Variants in TACC2 observed in about 807,000 individuals in gnomAD.
TACC2 encodes the protein transforming acidic coiled-coil containing protein 2.
A neutral mutation model predicts 227.3 loss-of-function variants in TACC2; 137 were observed. That is an observed-to-expected ratio of 0.60 (90% CI 0.52 to 0.69). The LOEUF (loss-of-function observed/expected upper bound fraction) is 0.69, where lower values mean the gene tolerates loss of function less well. Ranked by LOEUF, TACC2 falls within the 30% of genes least tolerant of loss-of-function variation. TACC2 has a pLI of 0.00. For synonymous variants in TACC2, 1,523 were observed against 1,487.5 expected (o/e 1.02, Z -0.55); for missense variants, 3,470 against 3,694.4 (o/e 0.94, Z 1.57).
intron 8 of TACC2, among the ~76,000 whole-genome samples, chr10:122,203,723 A>T (rs942945346): frequency 7.3e-5 from 10 of 136,498 alleles, no homozygotes; most frequent in African/African-American, 2.8e-4. Flanking sequence ...ATGGGCGGCC[A>T]GGCAGAGACG....
At position 122,085,352 on chromosome 10, in the gene TACC2, G is replaced by T. The variant is rs747977383; in HGVS notation, c.2852G>T (p.Gly951Val). Reference sequence around the variant, plus strand: ...GCACTAGGGGAGAAGCGGCCAGAGGGAGCATGCGGTGATGGTCAGTCCTCG... The same window carrying T: ...GCACTAGGGGAGAAGCGGCCAGAGGTAGCATGCGGTGATGGTCAGTCCTCG... ...LPALGEKRPE[G>V]ACGDGQSSRV... The change falls in exon 4 of 23, where the codon GGA becomes GTA. Residue 951 changes from glycine (G) to valine (V), a missense_variant. Transcript: ENST00000369005. 1 of 1,614,036 alleles carries T rather than the reference G, an allele frequency of 6.2e-7. No homozygotes were observed. Among genetic ancestry groups the T allele is most frequent in the South Asian group, 1.1e-5 (1 of 91,080 alleles).
chr10:122,091,255 A>G (rs1046811207), intron 5 of TACC2, among the ~76,000 whole-genome samples: 3 of 84,074 alleles, frequency 3.6e-5, no homozygotes, highest in Non-Finnish European at 7.3e-5. Context: ...ATTTAGTATG[A>G]AAAAAAAAGA....
At chr10:122,140,444 A>G (rs963639029) in intron 6 of TACC2, among the ~76,000 whole-genome samples, 10 of 152,376 alleles carry the variant, frequency 6.6e-5, no homozygotes, top group Non-Finnish European at 1.3e-4. Flanking sequence ...TCGTTATTCC[A>G]ATAAGGTTTG....
intron 5 of TACC2, among the ~76,000 whole-genome samples, chr10:122,097,331 G>A (rs979058119): frequency 1.3e-5 from 2 of 152,060 alleles, no homozygotes; most frequent in African/African-American, 4.8e-5. Context: ...GTGAGGTACT[G>A]TCTCAAAGAA....
chr10:122,054,653 CT>C (rs1020689883), intron 3 of TACC2, among the ~76,000 whole-genome samples: 1 of 152,186 alleles, frequency 6.6e-6, no homozygotes, highest in African/African-American at 2.4e-5. Flanking sequence ...GCTCCTTCTT[CT>C]GAAAAAGGTC....
chr10:122,163,542 G>A (rs907091839), intron 7 of TACC2: 15 of 988,924 alleles, frequency 1.5e-5, no homozygotes, highest in Non-Finnish European at 1.6e-5. Context: ...AGGCGTTGGG[G>A]CTGCTCGGCG....
chr10:122,226,380 C>T lies in TACC2; in HGVS notation c.7623C>T (p.Ala2541=). 1 of 1,613,824 alleles carries T rather than the reference C, an allele frequency of 6.2e-7. No homozygotes were observed. Among genetic ancestry groups the T allele is most frequent in the Non-Finnish European group, 8.5e-7 (1 of 1,179,860 alleles). ...GATCCCTGCAGCAGGACGACGATGC[C>T]CCGAAGAAGCAGGCCTTGTACCTTA... ...IGSSLPQDDD[A]PKKQALYLMF... Residue 2541 remains alanine, a synonymous_variant, in exon 13 of 23, where the codon GCC becomes GCT. Coordinates refer to ENST00000369005, the MANE Select transcript of TACC2 (RefSeq NM_206862.4).
intron 7 of TACC2, among the ~76,000 whole-genome samples, chr10:122,171,688 A>G (rs1257051512): frequency 6.6e-6 from 1 of 152,240 alleles, no homozygotes; most frequent in South Asian, 2.1e-4. Flanking sequence ...TCAATGTGCT[A>G]AAAGAAAATG....
chr10:122,041,534 C>A (rs932638680), intron 2 of TACC2, among the ~76,000 whole-genome samples: 1 of 151,560 alleles, frequency 6.6e-6, no homozygotes, highest in Non-Finnish European at 1.5e-5. Flanking sequence ...ACAATCTCCG[C>A]CTCCTGGGTT....
Position 122,143,830 on chromosome 10 carries a change from C to T in TACC2, c.5834+124C>T, listed in dbSNP as rs150476340. 5.0e-4 allele frequency: 550 copies of T among 1,094,662 alleles called. 1 individual carries two copies. Among genetic ancestry groups the T allele is most frequent in the Non-Finnish European group, 4.5e-4 (351 of 774,838 alleles). 67.8% of individuals were successfully genotyped at this position (1,094,662 alleles called of 1,614,324 possible). A position where few individuals can be genotyped will look rare whatever the true frequency, so the allele number is the denominator to read the frequency against. On this transcript the variant is annotated intron_variant, in intron 7 of 22. Coordinates refer to ENST00000369005, the MANE Select transcript of TACC2 (RefSeq NM_206862.4). ...TAACAAGGTGGTGACCATTTGGCCC[C>T]GTGAGACCATGTCTCTGACCCTTTG... is the stretch of plus-strand genomic sequence containing the variant.
intron 6 of TACC2, among the ~76,000 whole-genome samples, chr10:122,138,169 C>T (rs532360321): frequency 2.0e-5 from 3 of 152,118 alleles, no homozygotes; most frequent in East Asian, 1.9e-4. Flanking sequence ...GTTCAACCAC[C>T]TCACAAAGGT....
At chr10:122,127,483 A>G (rs1440562071) in intron 5 of TACC2, among the ~76,000 whole-genome samples, 1 of 152,216 alleles carries the variant, frequency 6.6e-6, no homozygotes, top group Non-Finnish European at 1.5e-5. Context: ...TGTTGATAGT[A>G]CAGGCTTCCC....
At chr10:122,214,914 T>C (rs2095369209) in intron 9 of TACC2, among the ~76,000 whole-genome samples, 1 of 152,124 alleles carries the variant, frequency 6.6e-6, no homozygotes, top group African/African-American at 2.4e-5. Flanking sequence ...GAGGTTCTCC[T>C]TGAGGACCCC....
At chr10:122,114,142 G>A (rs2084189776) in intron 5 of TACC2, among the ~76,000 whole-genome samples, 1 of 152,212 alleles carries the variant, frequency 6.6e-6, no homozygotes, top group African/African-American at 2.4e-5. Context: ...GGCTGGAGAG[G>A]ATGGGGGGCC....
intron 14 of TACC2, among the ~76,000 whole-genome samples, chr10:122,228,749 T>C (rs2095675948): frequency 6.6e-6 from 1 of 152,086 alleles, no homozygotes; most frequent in Non-Finnish European, 1.5e-5. Context: ...ACTATGTGTT[T>C]GGCAGTTGGA....
chr10:122,042,433 G>T (rs1048339939), intron 2 of TACC2, among the ~76,000 whole-genome samples: 8 of 151,910 alleles, frequency 5.3e-5, no homozygotes, highest in Admixed American at 1.3e-4. Flanking sequence ...AGTAGAGATG[G>T]GGTTTCACCA....
In TACC2 at chr10:122,013,554, G is replaced by C. The variant is rs190753935; in HGVS notation, c.-45-8383G>C. Among the ~76,000 whole-genome samples, 78 of 152,338 alleles carry C rather than the reference G, an allele frequency of 5.1e-4. No homozygotes were observed. In the Middle Eastern group the frequency reaches 0.01, roughly 20 times the overall value. On this transcript the variant is annotated intron_variant, in intron 1 of 22. Coordinates refer to ENST00000369005, the MANE Select transcript of TACC2 (RefSeq NM_206862.4). ...ATGAGGGCTGGGCTATCTGTGAATA[G>C]CAATGGGCTTAGGTCGCTGGGTTTG...
intron 7 of TACC2, among the ~76,000 whole-genome samples, chr10:122,178,456 C>G (rs1300996809): frequency 6.6e-6 from 1 of 152,076 alleles, no homozygotes; most frequent in African/African-American, 2.4e-5. Flanking sequence ...AGGCTGCTCT[C>G]AAACTCCCGA....
intron 3 of TACC2, among the ~76,000 whole-genome samples, chr10:122,076,000 A>G (rs963489095): frequency 2.0e-5 from 3 of 151,960 alleles, no homozygotes; most frequent in Non-Finnish European, 4.4e-5. Context: ...GGGTTTCACC[A>G]TGTTGGCCAG....
Sources: gnomAD v4.1 joint callset for allele counts (sites outside exome capture counted in the v4.1 genomes callset) on GRCh38, gnomAD v4.1.1 for gene constraint, MANE v1.5 for transcripts, NCBI Gene and HGNC (gene_info 2026-07-23, HGNC 2026-07-21) for gene names.